The following GSK3B variants were observed in gnomAD, a reference collection of about 807,000 sequenced individuals.
GSK3B encodes glycogen synthase kinase-3 beta.
GSK3B carries 15 observed loss-of-function variants against 56.4 expected under a neutral mutation model. The observed-to-expected ratio is 0.27, with a 90% CI of 0.18 to 0.41. GSK3B has a LOEUF of 0.41. Among genes scored for constraint, GSK3B ranks in the 10% least tolerant of loss-of-function variants. GSK3B has a pLI of 1.00. For synonymous variants in GSK3B, 181 were observed against 188.9 expected (o/e 0.96, Z 0.34); for missense variants, 300 against 513.4 (o/e 0.58, Z 4.02).
chr3:119,965,487 C>T (rs2057311026), intron 2 of GSK3B, among the ~76,000 whole-genome samples: 1 of 152,018 alleles, frequency 6.6e-6, no homozygotes, highest in Non-Finnish European at 1.5e-5. Context: ...GCTGGGACTA[C>T]AGGCATCAGC....
chr3:119,957,842 A>G (rs905305866), intron 2 of GSK3B, among the ~76,000 whole-genome samples: 2 of 152,224 alleles, frequency 1.3e-5, no homozygotes, highest in African/African-American at 2.4e-5. Context: ...ACTCAATTCC[A>G]TTTATTACTA....
chr3:119,920,119 T>A (rs572943265), intron 4 of GSK3B, among the ~76,000 whole-genome samples: 2 of 152,228 alleles, frequency 1.3e-5, no homozygotes, highest in Non-Finnish European at 2.9e-5. Context: ...CTTTGAACTA[T>A]GTATAAATAT....
chr3:119,843,301 C>G lies in GSK3B; in HGVS notation c.1149G>C (p.Arg383=). 1 of 1,611,118 alleles carries G rather than the reference C, an allele frequency of 6.2e-7. No homozygotes were observed. Among genetic ancestry groups the G allele is most frequent in the Non-Finnish European group, 8.5e-7 (1 of 1,177,888 alleles). ...LATILIPPHA[R]IQAAASTPTN... ...TGGGGGTTGAAGCAGCTGCTTGAAT[C>G]CGAGCATGAGGAGGAATAAGGATGG... Residue 383 remains arginine, a synonymous_variant, in exon 10 of 11, where the codon CGG becomes CGC. Transcript: ENST00000264235.
chr3:120,088,446 T>C (rs2058483603), intron 1 of GSK3B, among the ~76,000 whole-genome samples: 1 of 152,236 alleles, frequency 6.6e-6, no homozygotes, highest in African/African-American at 2.4e-5. Context: ...TATATAAATA[T>C]ACATTTATAC....
chr3:119,991,234 T>C (rs531482554), intron 2 of GSK3B, among the ~76,000 whole-genome samples: 1 of 152,248 alleles, frequency 6.6e-6, no homozygotes, highest in African/African-American at 2.4e-5. Context: ...CCTACATTAA[T>C]TAGGTACCTA....
chr3:120,077,436 A>G (rs1455401829), intron 1 of GSK3B, among the ~76,000 whole-genome samples: 1 of 152,180 alleles, frequency 6.6e-6, no homozygotes, highest in Non-Finnish European at 1.5e-5. Context: ...TTTTTCAAAA[A>G]AAGGTCAAAT....
intron 3 of GSK3B, among the ~76,000 whole-genome samples, chr3:119,929,015 G>C (rs897992994): frequency 1.6e-4 from 24 of 152,084 alleles, no homozygotes; most frequent in African/African-American, 5.3e-4. Context: ...TAAGTGATTA[G>C]GTATTAGGGA....
chr3:119,975,020 C>A (rs2057398077), intron 2 of GSK3B, among the ~76,000 whole-genome samples: 1 of 152,254 alleles, frequency 6.6e-6, no homozygotes, highest in African/African-American at 2.4e-5. Flanking sequence ...AAAACCTGCA[C>A]ATGAATGTTT....
At chr3:120,070,535 T>A (rs531054838) in intron 1 of GSK3B, among the ~76,000 whole-genome samples, 2 of 150,870 alleles carry the variant, frequency 1.3e-5, no homozygotes, top group African/African-American at 2.4e-5. Context: ...GCTAAAATGG[T>A]CCTACAATGT....
chr3:120,075,171 CAA>C (rs1176475452), intron 1 of GSK3B, among the ~76,000 whole-genome samples: 2 of 152,100 alleles, frequency 1.3e-5, no homozygotes, highest in African/African-American at 4.8e-5. Context: ...AAGCATTCAA[CAA>C]AGTTAAACTT....
chr3:119,956,357 A>G (rs1576227805), intron 2 of GSK3B, among the ~76,000 whole-genome samples: 1 of 152,158 alleles, frequency 6.6e-6, no homozygotes, highest in Non-Finnish European at 1.5e-5. Context: ...GCCATAGGAG[A>G]GTATATATTA....
At chr3:119,952,428 C>T (rs1246291155) in intron 2 of GSK3B, among the ~76,000 whole-genome samples, 2 of 146,156 alleles carry the variant, frequency 1.4e-5, no homozygotes, top group Non-Finnish European at 3.0e-5. Flanking sequence ...GCAGAGGTTG[C>T]AGTGAGTCGA....
At chr3:120,051,763 T>C (rs1241307853) in intron 1 of GSK3B, among the ~76,000 whole-genome samples, 3 of 137,944 alleles carry the variant, frequency 2.2e-5, no homozygotes, top group Non-Finnish European at 3.1e-5. Context: ...TGAGACTCTA[T>C]CTCAAAAAAA....
At chr3:119,878,955 A>T (rs1426822747) in intron 7 of GSK3B, among the ~76,000 whole-genome samples, 1 of 152,248 alleles carries the variant, frequency 6.6e-6, no homozygotes, top group Admixed American at 6.5e-5. Context: ...TACTGGGATT[A>T]TGAATGTTCA....
chr3:120,007,853 G>A (rs796684599), intron 1 of GSK3B, among the ~76,000 whole-genome samples: 63 of 152,152 alleles, frequency 4.1e-4, no homozygotes, highest in African/African-American at 1.4e-3. Flanking sequence ...TTTGAAAACC[G>A]GCACAAGACA....
At chr3:120,056,485 G>A (rs374616629) in intron 1 of GSK3B, among the ~76,000 whole-genome samples, 12 of 152,198 alleles carry the variant, frequency 7.9e-5, no homozygotes, top group Admixed American at 5.2e-4. Flanking sequence ...GATTACAGGC[G>A]TGCACCACCA....
At chr3:119,942,348 G>GA (rs1491378960) in intron 3 of GSK3B, among the ~76,000 whole-genome samples, 1 of 152,006 alleles carries the variant, frequency 6.6e-6, no homozygotes, top group Non-Finnish European at 1.5e-5. Context: ...GCCCAGGCTG[G>GA]AGTACAATGG....
chr3:119,855,023 T>C (rs2055996747), intron 9 of GSK3B, among the ~76,000 whole-genome samples: 1 of 152,232 alleles, frequency 6.6e-6, no homozygotes, highest in Non-Finnish European at 1.5e-5. Flanking sequence ...GGGTGTCAAT[T>C]TTAGATCTTT....
chr3:120,064,985 C>G (rs372420557), intron 1 of GSK3B, among the ~76,000 whole-genome samples: 21 of 152,214 alleles, frequency 1.4e-4, no homozygotes, highest in African/African-American at 5.1e-4. Context: ...CAAAATGGAT[C>G]AGAGACCTAA....
Sources: allele counts gnomAD v4.1 joint callset (sites outside exome capture counted in the v4.1 genomes callset), GRCh38; gene constraint gnomAD v4.1.1; transcripts MANE v1.5; gene names NCBI Gene and HGNC (gene_info 2026-07-23, HGNC 2026-07-21).